The following SCFD2 variants were observed in gnomAD, a reference collection of about 807,000 sequenced individuals.
SCFD2 encodes sec1 family domain-containing protein 2.
In SCFD2, 54 loss-of-function variants were observed where a neutral mutation model predicts 58.9. That is an observed-to-expected ratio of 0.92 (90% CI 0.74 to 1.15). The LOEUF (loss-of-function observed/expected upper bound fraction) is 1.15, where lower values mean the gene tolerates loss of function less well. Ranked by LOEUF, SCFD2 falls within the 50% of genes most tolerant of loss-of-function variation. SCFD2 has a pLI of 0.00. For synonymous variants in SCFD2, 321 were observed against 335.9 expected (o/e 0.96, Z 0.49); for missense variants, 805 against 836.6 (o/e 0.96, Z 0.47).
At chr4:53,306,524 GC>G (rs1467955368) in intron 3 of SCFD2, among the ~76,000 whole-genome samples, 1 of 152,216 alleles carries the variant, frequency 6.6e-6, no homozygotes, top group Non-Finnish European at 1.5e-5. Context: ...AACTATTTCT[GC>G]CTCTTTCTAT....
chr4:53,075,712 C>T (rs1409430230), intron 5 of SCFD2, among the ~76,000 whole-genome samples: 4 of 152,134 alleles, frequency 2.6e-5, no homozygotes, highest in Admixed American at 6.6e-5. Flanking sequence ...AGAACACACA[C>T]ATTTATTGAT....
intron 2 of SCFD2, among the ~76,000 whole-genome samples, chr4:53,334,104 C>G (rs996891280): frequency 1.6e-4 from 24 of 152,184 alleles, no homozygotes; most frequent in South Asian, 4.2e-4. Flanking sequence ...GGAAACAACA[C>G]GTGCTGGAGA....
chr4:53,062,327 G>A (rs1302799365), intron 5 of SCFD2, among the ~76,000 whole-genome samples: 4 of 151,642 alleles, frequency 2.6e-5, no homozygotes, highest in African/African-American at 2.4e-5. Context: ...AGCTGAGATC[G>A]TGCCACTGCA....
chr4:53,155,645 T>G (rs1726656582), intron 4 of SCFD2, among the ~76,000 whole-genome samples: 1 of 152,184 alleles, frequency 6.6e-6, no homozygotes, highest in Non-Finnish European at 1.5e-5. Flanking sequence ...AGGGATCCAG[T>G]GCATGTCTTC....
chr4:53,080,241 T>C (rs1490673601), intron 5 of SCFD2, among the ~76,000 whole-genome samples: 1 of 152,180 alleles, frequency 6.6e-6, no homozygotes, highest in Non-Finnish European at 1.5e-5. Flanking sequence ...TCACTCTGTG[T>C]TTAGGGGTAA....
At chr4:52,910,980 A>G (rs1719470705) in intron 6 of SCFD2, among the ~76,000 whole-genome samples, 3 of 152,062 alleles carry the variant, frequency 2.0e-5, no homozygotes, top group African/African-American at 2.4e-5. Flanking sequence ...TCTTTTCTTT[A>G]TAAATTACTC....
At chr4:53,296,781 A>G (rs775057811) in intron 3 of SCFD2, among the ~76,000 whole-genome samples, 1 of 152,294 alleles carries the variant, frequency 6.6e-6, no homozygotes, top group East Asian at 1.9e-4. Context: ...ATTTAGTGCT[A>G]TAAATTTCCC....
intron 4 of SCFD2, among the ~76,000 whole-genome samples, chr4:53,190,131 T>A (rs6855673): frequency 6.6e-6 from 1 of 152,216 alleles, no homozygotes; most frequent in Admixed American, 6.5e-5. Context: ...AAACAGTCAA[T>A]GTATCTCCTC....
chr4:53,284,500 G>A (rs1731603919), intron 3 of SCFD2, among the ~76,000 whole-genome samples: 1 of 152,122 alleles, frequency 6.6e-6, no homozygotes, highest in African/African-American at 2.4e-5. Context: ...TATAACTTTT[G>A]AAATATTGTC....
intron 3 of SCFD2, among the ~76,000 whole-genome samples, chr4:53,296,724 G>A (rs1296031422): frequency 6.6e-6 from 1 of 152,106 alleles, no homozygotes; most frequent in Non-Finnish European, 1.5e-5. Flanking sequence ...TTTTCAATGT[G>A]ATGTTAGGGT....
intron 5 of SCFD2, among the ~76,000 whole-genome samples, chr4:53,135,786 C>G (rs1725919701): frequency 6.6e-6 from 1 of 152,074 alleles, no homozygotes; most frequent in South Asian, 2.1e-4. Context: ...TCCACCACTC[C>G]CTATTGTCCC....
At chr4:53,356,092 G>T (rs753688723) in intron 1 of SCFD2, among the ~76,000 whole-genome samples, 12 of 152,136 alleles carry the variant, frequency 7.9e-5, no homozygotes, top group Admixed American at 2.0e-4. Flanking sequence ...TTCTCAGATG[G>T]CTCACTCACA....
intron 5 of SCFD2, among the ~76,000 whole-genome samples, chr4:53,016,192 A>G (rs1251862183): frequency 6.6e-6 from 1 of 152,252 alleles, no homozygotes; most frequent in Non-Finnish European, 1.5e-5. Context: ...CAGAATAATG[A>G]GAACATTTTT....
intron 5 of SCFD2, among the ~76,000 whole-genome samples, chr4:53,141,920 C>T (rs1726178757): frequency 6.6e-6 from 1 of 152,178 alleles, no homozygotes; most frequent in Admixed American, 6.5e-5. Flanking sequence ...TTGGATGCTG[C>T]CCACCAACAC....
At chr4:52,917,112 T>G (rs943975621) in intron 6 of SCFD2, among the ~76,000 whole-genome samples, 6 of 152,100 alleles carry the variant, frequency 3.9e-5, no homozygotes, top group Non-Finnish European at 8.8e-5. Flanking sequence ...TTGCTGTGTT[T>G]CCCAGGCTGG....
chr4:52,903,266 T>C (rs1719266704), intron 7 of SCFD2, among the ~76,000 whole-genome samples: 1 of 152,124 alleles, frequency 6.6e-6, no homozygotes, highest in African/African-American at 2.4e-5. Flanking sequence ...CATCAATGCA[T>C]GGTGGGCGAG....
At position 53,255,880 on chromosome 4, in the gene SCFD2, C is replaced by T. The variant is rs1421818400; in HGVS notation, c.1311+17946G>A. Among the ~76,000 whole-genome samples the T allele has an allele frequency of 1.5e-3, 206 of 140,290 alleles. 1 individual carries two copies. The highest frequency in any genetic ancestry group is 4.8e-3 in the African/African-American group (192 of 40,004). The allele number at this position is 140,290 out of a possible 152,430, so 92.0% of individuals were successfully genotyped here. A position where few individuals can be genotyped will look rare whatever the true frequency, so the allele number is the denominator to read the frequency against. ...CTCCATCCCGGACGGGGCGGCTGGC[C>T]GGGCAGAGGGGCTCCTCACTTCCCA... is the stretch of plus-strand genomic sequence containing the variant. On this transcript the variant is annotated intron_variant, in intron 4 of 8. Transcript: ENST00000401642.
intron 5 of SCFD2, among the ~76,000 whole-genome samples, chr4:52,953,556 A>G (rs958003139): frequency 6.6e-6 from 1 of 152,196 alleles, no homozygotes; most frequent in African/African-American, 2.4e-5. Context: ...GAGTCAAAGC[A>G]TTTCTTTAGC....
chr4:53,180,880 C>A (rs10005818), intron 4 of SCFD2, among the ~76,000 whole-genome samples: 2 of 152,022 alleles, frequency 1.3e-5, no homozygotes, highest in African/African-American at 4.8e-5. Flanking sequence ...AACACCTCTA[C>A]GCAAATAAAC....
Sources: gnomAD v4.1 joint callset for allele counts (sites outside exome capture counted in the v4.1 genomes callset) on GRCh38, gnomAD v4.1.1 for gene constraint, MANE v1.5 for transcripts, NCBI Gene and HGNC (gene_info 2026-07-23, HGNC 2026-07-21) for gene names.